Variants in REEP4 observed in about 807,000 individuals in gnomAD.
REEP4 encodes receptor accessory protein 4.
A neutral mutation model predicts 33.5 loss-of-function variants in REEP4; 17 were observed. That is an observed-to-expected ratio of 0.51 (90% CI 0.35 to 0.76). The LOEUF is 0.76. Among genes scored for constraint, REEP4 ranks in the 30% least tolerant of loss-of-function variants. The pLI is 0.01. For synonymous variants in REEP4, 157 were observed against 142.9 expected, an observed-to-expected ratio of 1.10 and a Z score of -0.70; for missense variants, 340 against 357.9, an observed-to-expected ratio of 0.95 and a Z score of 0.40.
At chr8:22,141,028 T>C (rs6996061) in intron 1 of REEP4, among the ~76,000 whole-genome samples, 6,158 of 152,330 alleles carry the variant, frequency 0.04, 151 homozygotes, top group African/African-American at 0.075. Flanking sequence ...CTGACACTGC[T>C]GGGTTGCAGA....
rs1563198001 is a variant in REEP4, at chr8:22,138,326, C to CT, written c.*160dup. On this transcript the variant is annotated 3_prime_UTR_variant, in exon 8 of 8. Transcript: ENST00000306306. ...TTGTGGGTGCATCCCTGCATGTGGC[C>CT]TTGGCAGCATCTGCTCCCGGCCCTT... 1 of 827,374 alleles carries CT rather than the reference C, an allele frequency of 1.2e-6. No individual in the cohort carries two copies. Among genetic ancestry groups the CT allele is most frequent in the Non-Finnish European group, 2.0e-6 (1 of 497,706 alleles). The allele number at this position is 827,374 out of a possible 1,614,324, so 51.3% of individuals were successfully genotyped here. A position where few individuals can be genotyped will look rare whatever the true frequency, so the allele number is the denominator to read the frequency against.
At position 22,138,528 on chromosome 8, in the gene REEP4, G is replaced by A. The variant is rs764495025; in HGVS notation, c.733C>T (p.Arg245Trp). The stretch of plus-strand genomic sequence containing the variant: ...GAGGGCACAGTCTTTTTCCTCGTCC[G>A]AACCTTCAGGGAGCGCGAGGTGCCC... The part of the protein sequence containing the change: ...REGTSRSLKV[R>W]TRKKTVPSDV... The change falls in exon 8 of 8, where the codon CGG becomes TGG. Residue 245 changes from arginine to tryptophan, a missense_variant. Coordinates refer to ENST00000306306, the MANE Select transcript of REEP4 (RefSeq NM_025232.4). 6.2e-6 allele frequency: 10 copies of A among 1,613,750 alleles called. No homozygotes were observed. The Admixed American group carries it at 8.3e-5, about 13-fold the overall frequency.
chr8:22,140,740 A>T, intron 1 of REEP4, 43 bp from the exon 2 acceptor site: 1 of 1,539,294 alleles, frequency 6.5e-7, no homozygotes, highest in Non-Finnish European at 8.9e-7. Flanking sequence ...ACCATGCCCC[A>T]CTCCCACCTT....
rs965098413 is a variant in REEP4 at position 22,138,356 on chromosome 8, A to C, written c.*131T>G. 9.3e-7 allele frequency: 1 copy of C among 1,069,682 alleles called. No homozygotes were observed. The highest frequency in any genetic ancestry group is 1.4e-6 in the Non-Finnish European group (1 of 711,126). 66.3% of individuals were successfully genotyped at this position (1,069,682 alleles called of 1,614,324 possible). On this transcript the variant is annotated 3_prime_UTR_variant, in exon 8 of 8. Transcript: ENST00000306306. ...CAGCATCTGCTCCCGGCCCTTAACC[A>C]TCAGCAGGAGTCAGGAGGGTGGGGC...
rs576432106 is a variant in REEP4, at chr8:22,138,022, C to G, written c.*465G>C. 2.6e-6 allele frequency: 1 copy of G among 382,526 alleles called. No individual in the cohort carries two copies. The highest frequency in any genetic ancestry group is 4.9e-6 in the Non-Finnish European group (1 of 203,828). The allele number at this position is 382,526 out of a possible 1,614,324, so 23.7% of individuals were successfully genotyped here. A position where few individuals can be genotyped will look rare whatever the true frequency, so the allele number is the denominator to read the frequency against. On this transcript the variant is annotated 3_prime_UTR_variant, in exon 8 of 8. Transcript: ENST00000306306. ...GAGTAAGAATCAGGAGAAACAGAGC[C>G]CCTTTATGTATTTATTTATCAAAAC... is the stretch of plus-strand genomic sequence containing the variant.
At position 22,138,073 on chromosome 8, in the gene REEP4, A is replaced by AACACAC. The variant is rs932866468; in HGVS notation, c.*408_*413dup. On this transcript the variant is annotated 3_prime_UTR_variant, in exon 8 of 8. Transcript: ENST00000306306. ...ACTCGCAAACCTGACCTCACTCACC[A>AACACAC]ACACACACACACACAACCAGGACAC... 3.9e-6 allele frequency: 2 copies of AACACAC among 511,452 alleles called. No individual in the cohort carries two copies. Among genetic ancestry groups the AACACAC allele is most frequent in the Non-Finnish European group, 7.1e-6 (2 of 282,946 alleles). The allele number at this position is 511,452 out of a possible 1,614,324, so 31.7% of individuals were successfully genotyped here. A position where few individuals can be genotyped will look rare whatever the true frequency, so the allele number is the denominator to read the frequency against.
At chr8:22,141,388 C>T (rs1475746898) in intron 1 of REEP4, 63 bp downstream of exon 1, 11 of 1,573,330 alleles carry the variant, frequency 7.0e-6, no homozygotes, top group Non-Finnish European at 7.8e-6. Context: ...ACGTCCACAG[C>T]TTCCACCACA....
intron 6 of REEP4, 46 bp from the exon 7 acceptor site, chr8:22,138,839 C>G (rs779439965): frequency 9.6e-6 from 15 of 1,565,686 alleles, no homozygotes; most frequent in Middle Eastern, 1.7e-4. Flanking sequence ...ACCAGGCCAG[C>G]CCTTCCTCGA....
At position 22,138,940 on chromosome 8, in the gene REEP4, C is replaced by T. The variant is rs79793560; in HGVS notation, c.539G>A (p.Arg180Gln). The T allele has an allele frequency of 0.018, 27,931 of 1,591,364 alleles. 272 individuals carry two copies. Among genetic ancestry groups the T allele is most frequent in the Middle Eastern group, 0.019 (113 of 5,946 alleles). The change falls in exon 6 of 8, where the codon CGG becomes CAG. Residue 180 changes from arginine to glutamine, a missense_variant. Arg to Gln is a conservative substitution (Grantham distance 43, BLOSUM62 1). Transcript: ENST00000306306. ...TGCCCGCTCACCAATGGGTGGCCTC[C>T]GGTGGGACACCTGGTCCTCCAGGTA... The part of the protein sequence containing the change: ...PLYLEDQVSH[R>Q]RPPIGYRAGG...
At chr8:22,141,155 C>G (rs1329323460) in intron 1 of REEP4, among the ~76,000 whole-genome samples, 1 of 152,278 alleles carries the variant, frequency 6.6e-6, no homozygotes, top group African/African-American at 2.4e-5. Flanking sequence ...CGTGCCATAT[C>G]ACCTTGTGTT....
At chr8:22,139,374 G>A in intron 5 of REEP4, 42 bp downstream of exon 5, 5 of 1,508,412 alleles carry the variant, frequency 3.3e-6, no homozygotes, top group Non-Finnish European at 4.6e-6. Context: ...AGGGCCTTAG[G>A]GGTGGGATGG....
rs778549491 is a variant in REEP4, at chr8:22,138,524, G to A, written c.737C>T (p.Thr246Met). The change falls in exon 8 of 8, where the codon ACG becomes ATG. Residue 246 changes from threonine to methionine, a missense_variant. Transcript: ENST00000306306. Reference sequence around the variant, plus strand: ...GTCTGAGGGCACAGTCTTTTTCCTCGTCCGAACCTTCAGGGAGCGCGAGGT... The same window carrying A: ...GTCTGAGGGCACAGTCTTTTTCCTCATCCGAACCTTCAGGGAGCGCGAGGT... ...EGTSRSLKVRTRKKTVPSDVD... is the reference protein window; with the variant it reads ...EGTSRSLKVRMRKKTVPSDVD... 1.4e-5 allele frequency: 23 copies of A among 1,613,770 alleles called. No homozygotes were observed. Among genetic ancestry groups the A allele is most frequent in the South Asian group, 8.8e-5 (8 of 91,092 alleles).
chr8:22,141,327 C>T (rs1249366308), intron 1 of REEP4, 124 bp downstream of exon 1: 1 of 1,191,824 alleles, frequency 8.4e-7, no homozygotes, highest in East Asian at 2.7e-5. Flanking sequence ...TCCGTTAACC[C>T]TTGCATGGAG....
rs1827234723 is a variant in REEP4, at chr8:22,141,688, C to T, written c.-206G>A. 2.3e-6 allele frequency: 1 copy of T among 439,162 alleles called. No individual in the cohort carries two copies. The highest frequency in any genetic ancestry group is 3.6e-5 in the East Asian group (1 of 28,050). 27.2% of individuals were successfully genotyped at this position (439,162 alleles called of 1,614,324 possible). ...GAGAATGGGGAGACCCGAGGCAAAG[C>T]GGCCCCGGCGGGGAGGAAGCCGACT... On this transcript the variant is annotated 5_prime_UTR_variant, in exon 1 of 8. Coordinates refer to ENST00000306306, the MANE Select transcript of REEP4 (RefSeq NM_025232.4).
Position 22,138,544 on chromosome 8 carries a change from C to T in REEP4, c.717G>A (p.Ser239=), listed in dbSNP as rs528182802. The change falls in exon 8 of 8, where the codon TCG becomes TCA. Residue 239 remains serine (S), a synonymous_variant. Coordinates refer to ENST00000306306, the MANE Select transcript of REEP4 (RefSeq NM_025232.4). ...TCCTCGTCCGAACCTTCAGGGAGCG[C>T]GAGGTGCCCTGGGGAAAGGGGAGGC... ...KRKPPVREGT[S]RSLKVRTRKK... 3.7e-5 allele frequency: 59 copies of T among 1,613,818 alleles called. No individual in the cohort carries two copies. The highest frequency in any genetic ancestry group is 1.3e-4 in the South Asian group (12 of 91,090).
Position 22,138,303 on chromosome 8 carries a change from G to A in REEP4, c.*184C>T. ...TGGGCCCAGCCTGCTTTGGTACATT[G>A]TGGGTGCATCCCTGCATGTGGCCTT... On this transcript the variant is annotated 3_prime_UTR_variant, in exon 8 of 8. Coordinates refer to ENST00000306306, the MANE Select transcript of REEP4 (RefSeq NM_025232.4). The A allele has an allele frequency of 1.9e-6, 1 of 537,056 alleles. No individual in the cohort carries two copies. The highest frequency in any genetic ancestry group is 3.5e-6 in the Non-Finnish European group (1 of 282,102). 33.3% of individuals were successfully genotyped at this position (537,056 alleles called of 1,614,324 possible). A position where few individuals can be genotyped will look rare whatever the true frequency, so the allele number is the denominator to read the frequency against.
rs1318833524 is a variant in REEP4 at position 22,138,263 on chromosome 8, C to T, written c.*224G>A. 4 of 687,754 alleles carry T rather than the reference C, an allele frequency of 5.8e-6. No individual in the cohort carries two copies. In the Admixed American group the frequency reaches 6.1e-5, roughly 11 times the overall value. 42.6% of individuals were successfully genotyped at this position (687,754 alleles called of 1,614,324 possible). ...GGGGAAGGGAGAGGGCAGAGCAAGG[C>T]AATAAATAGAACCCTGGGCCCAGCC... On this transcript the variant is annotated 3_prime_UTR_variant, in exon 8 of 8. Coordinates refer to ENST00000306306, the MANE Select transcript of REEP4 (RefSeq NM_025232.4).
In REEP4 at chr8:22,138,399, G is replaced by A. The variant is rs553658524; in HGVS notation, c.*88C>T. On this transcript the variant is annotated 3_prime_UTR_variant, in exon 8 of 8. Transcript: ENST00000306306. ...GGTGGGGCCCAGGCAGCTGGTGCAG[G>A]CAGGCCAGATGTGCAGCCCAAGGTC... is the stretch of plus-strand genomic sequence containing the variant. 4.3e-5 allele frequency: 63 copies of A among 1,482,206 alleles called. No individual in the cohort carries two copies. In the Admixed American group the frequency reaches 1.0e-3, roughly 24 times the overall value. The allele number at this position is 1,482,206 out of a possible 1,614,324, so 91.8% of individuals were successfully genotyped here.
intron 1 of REEP4, among the ~76,000 whole-genome samples, 175 bp downstream of exon 1, chr8:22,141,276 G>A (rs1403685436): frequency 6.6e-6 from 1 of 152,242 alleles, no homozygotes; most frequent in Non-Finnish European, 1.5e-5. Flanking sequence ...GGTGGGGCGG[G>A]TAGCCTGCGG....
Sources: gnomAD v4.1 joint callset for allele counts (sites outside exome capture counted in the v4.1 genomes callset) on GRCh38, gnomAD v4.1.1 for gene constraint, MANE v1.5 for transcripts, NCBI Gene and HGNC (gene_info 2026-07-23, HGNC 2026-07-21) for gene names.